CLUAP1: variants seen among roughly 807,000 people sequenced by gnomAD.
The protein encoded by CLUAP1 is intraflagellar transport 38.
CLUAP1 carries 50 observed loss-of-function variants against 55.0 expected under a neutral mutation model. The ratio of observed to expected loss-of-function variants is 0.91; its 90% CI spans 0.72 to 1.15. The LOEUF (loss-of-function observed/expected upper bound fraction) is 1.15. Among genes scored for constraint, CLUAP1 ranks in the 50% most tolerant of loss-of-function variants. CLUAP1 has a pLI of 0.00. For missense variants in CLUAP1, 530 were observed against 507.6 expected, an observed-to-expected ratio of 1.04 and a Z score of -0.42; for synonymous variants, 195 against 175.4, an observed-to-expected ratio of 1.11 and a Z score of -0.88.
At chr16:3,520,500 C>T (rs970749628) in intron 7 of CLUAP1, among the ~76,000 whole-genome samples, 3 of 152,136 alleles carry the variant, frequency 2.0e-5, no homozygotes, top group Non-Finnish European at 2.9e-5. Context: ...CTCAAATGTA[C>T]ATGTGTTGCC....
chr16:3,514,169 G>T (rs2037687159), intron 5 of CLUAP1, among the ~76,000 whole-genome samples: 1 of 152,162 alleles, frequency 6.6e-6, no homozygotes, highest in Non-Finnish European at 1.5e-5. Flanking sequence ...ACAGGAGCTG[G>T]CCACTTGCTG....
At position 3,501,045 on chromosome 16, in the gene CLUAP1, G is replaced by A. The variant is rs1323950796; in HGVS notation, c.-23G>A. ...CTGAGGGGCGAGCAGTTGCGACCCT[G>A]GGCTCCTGGGGACCTGAGCGTTATG... On this transcript the variant is annotated 5_prime_UTR_variant, in exon 1 of 12. Coordinates refer to ENST00000576634, the MANE Select transcript of CLUAP1 (RefSeq NM_015041.3). The A allele has an allele frequency of 2.5e-6, 4 of 1,597,868 alleles. No individual in the cohort carries two copies. The highest frequency in any genetic ancestry group is 2.3e-5 in the East Asian group (1 of 44,364).
In CLUAP1 at chr16:3,536,332, T is replaced by C. The variant is rs1435215673; in HGVS notation, c.*61T>C. 3.6e-5 allele frequency: 57 copies of C among 1,571,470 alleles called. No individual in the cohort carries two copies. Among genetic ancestry groups the C allele is most frequent in the Non-Finnish European group, 4.8e-5 (55 of 1,152,514 alleles). Reference sequence around the variant, plus strand: ...TCAGACTTGTAGGTAAATGGGAACTTAGAAGGTTAGGAAGGTAACCCCTGT... The same window carrying C: ...TCAGACTTGTAGGTAAATGGGAACTCAGAAGGTTAGGAAGGTAACCCCTGT... On this transcript the variant is annotated 3_prime_UTR_variant, in exon 12 of 12. Coordinates refer to ENST00000576634, the MANE Select transcript of CLUAP1 (RefSeq NM_015041.3).
intron 2 of CLUAP1, among the ~76,000 whole-genome samples, chr16:3,505,504 G>A (rs989219154): frequency 9.7e-5 from 14 of 144,180 alleles, no homozygotes; most frequent in African/African-American, 3.4e-4. Flanking sequence ...CCGAGATAGC[G>A]CCACTGCAGT....
chr16:3,506,536 T>A, intron 3 of CLUAP1, 121 bp downstream of exon 3: 6 of 742,652 alleles, frequency 8.1e-6, no homozygotes, highest in Non-Finnish European at 1.4e-5. Context: ...TGAGATGGAG[T>A]CTCATTCTCT....
rs920871754 is a variant in CLUAP1 at position 3,536,812 on chromosome 16, G to A, written c.*541G>A. ...ATGTTCACAATACCAAGCATTAAATGTATTTTAATAACTAAACTTTTCTGA... is the reference window on the plus strand; with the variant it reads ...ATGTTCACAATACCAAGCATTAAATATATTTTAATAACTAAACTTTTCTGA... On this transcript the variant is annotated 3_prime_UTR_variant, in exon 12 of 12. Coordinates refer to ENST00000576634, the MANE Select transcript of CLUAP1 (RefSeq NM_015041.3). 1 of 152,216 alleles carries A rather than the reference G, an allele frequency of 6.6e-6. No homozygotes were observed. Among genetic ancestry groups the A allele is most frequent in the African/African-American group, 2.4e-5 (1 of 41,422 alleles). The allele number at this position is 152,216 out of a possible 1,614,324, so 9.4% of individuals were successfully genotyped here. A position where few individuals can be genotyped will look rare whatever the true frequency, so the allele number is the denominator to read the frequency against.
In CLUAP1 at chr16:3,512,470, G is replaced by C. The variant is rs781005764; in HGVS notation, c.487G>C (p.Glu163Gln). 43 of 1,612,788 alleles carry C rather than the reference G, an allele frequency of 2.7e-5. No individual in the cohort carries two copies. The highest frequency in any genetic ancestry group is 3.6e-5 in the Non-Finnish European group (42 of 1,178,896). ...GTATGACTTGCTCGGCATGGAAGTA[G>C]AGTTGAGGGTAAGCATTCCAGTACT... ...SLYDLLGMEV[E>Q]LREMRTEAIA... The change falls in exon 5 of 12, where the codon GAG becomes CAG. Residue 163 changes from glutamate (E) to glutamine (Q), a missense_variant. By Grantham distance (29) the Glu-to-Gln change is conservative. Coordinates refer to ENST00000576634, the MANE Select transcript of CLUAP1 (RefSeq NM_015041.3).
chr16:3,518,586 G>A (rs1473390973), intron 6 of CLUAP1, among the ~76,000 whole-genome samples: 3 of 152,168 alleles, frequency 2.0e-5, no homozygotes, highest in African/African-American at 7.2e-5. Flanking sequence ...ATCTGACTTT[G>A]GTTCGAGGAA....
chr16:3,533,383 TG>T, intron 11 of CLUAP1: 1 of 547,748 alleles, frequency 1.8e-6, no homozygotes, highest in African/African-American at 1.9e-5. Context: ...CCTCAGGCCC[TG>T]GGCCGCCACC....
At position 3,533,112 on chromosome 16, in the gene CLUAP1, C is replaced by T. The variant is rs1327986008; in HGVS notation, c.1092+271C>T. ...CGCTTTCCAAAGATGGAAGCAGCACCAGCTCTCTTAGGTAAATGCAAGACT... is the reference window on the plus strand; with the variant it reads ...CGCTTTCCAAAGATGGAAGCAGCACTAGCTCTCTTAGGTAAATGCAAGACT... On this transcript the variant is annotated intron_variant, in intron 11 of 11. Coordinates refer to ENST00000576634, the MANE Select transcript of CLUAP1 (RefSeq NM_015041.3). The T allele has an allele frequency of 2.6e-6, 4 of 1,536,126 alleles. No homozygotes were observed. The Admixed American group carries it at 7.8e-5, about 30-fold the overall frequency.
Position 3,538,007 on chromosome 16 carries a change from A to AT in CLUAP1, c.*1736_*1737insT, listed in dbSNP as rs1320266227. On this transcript the variant is annotated 3_prime_UTR_variant, in exon 12 of 12. Transcript: ENST00000576634. The stretch of plus-strand genomic sequence containing the variant: ...GAGTGAGACTCCATCTCAAAAAAAA[A>AT]AAAAAAAAAAAAAGCATACAGTAAA... 2.6e-4 allele frequency: 39 copies of AT among 150,702 alleles called. 1 individual carries two copies. Among genetic ancestry groups the AT allele is most frequent in the African/African-American group, 9.6e-4 (39 of 40,790 alleles). The allele number at this position is 150,702 out of a possible 1,614,324, so 9.3% of individuals were successfully genotyped here. A position where few individuals can be genotyped will look rare whatever the true frequency, so the allele number is the denominator to read the frequency against.
At chr16:3,504,958 T>C in intron 2 of CLUAP1, 127 bp downstream of exon 2, 5 of 662,210 alleles carry the variant, frequency 7.6e-6, no homozygotes, top group South Asian at 6.9e-5. Flanking sequence ...GACCCAGCTG[T>C]ATTCTGTTAC....
chr16:3,532,713 C>T (rs898838961), intron 10 of CLUAP1, 73 bp from the exon 11 acceptor site: 8 of 1,529,204 alleles, frequency 5.2e-6, no homozygotes, highest in South Asian at 4.5e-5. Context: ...GGCCAGAAAA[C>T]AAATCTTGAA....
rs781669480 is a variant in CLUAP1 at position 3,519,970 on chromosome 16, A to G, written c.647A>G (p.Lys216Arg). Residue 216 changes from lysine (K) to arginine (R), a missense_variant, in exon 7 of 12, where the codon AAA becomes AGA. By Grantham distance (26) the Lys-to-Arg change is conservative. Transcript: ENST00000576634. ...TCTGATGAAGCTAATTTAGAAGCCA[A>G]AATCGAAAAGAGAAAATTAGAACTG... is the stretch of plus-strand genomic sequence containing the variant. ...VASDEANLEA[K>R]IEKRKLELER... 13 of 1,613,820 alleles carry G rather than the reference A, an allele frequency of 8.1e-6. No individual in the cohort carries two copies. The highest frequency in any genetic ancestry group is 3.3e-5 in the Admixed American group (2 of 59,974).
In CLUAP1 at chr16:3,538,811, A is replaced by G. The variant is rs1313905458; in HGVS notation, c.*2540A>G. 6.6e-6 allele frequency: 1 copy of G among 152,172 alleles called. No individual in the cohort carries two copies. Among genetic ancestry groups the G allele is most frequent in the African/African-American group, 2.4e-5 (1 of 41,442 alleles). 9.4% of individuals were successfully genotyped at this position (152,172 alleles called of 1,614,324 possible). A position where few individuals can be genotyped will look rare whatever the true frequency, so the allele number is the denominator to read the frequency against. On this transcript the variant is annotated 3_prime_UTR_variant, in exon 12 of 12. Coordinates refer to ENST00000576634, the MANE Select transcript of CLUAP1 (RefSeq NM_015041.3). ...AAAGTATTTCAGTCAATAGTGACCC[A>G]TTGTAGAATGGATGCAGGATTCACA...
chr16:3,503,124 G>A (rs988576945), intron 1 of CLUAP1, among the ~76,000 whole-genome samples: 1 of 151,642 alleles, frequency 6.6e-6, no homozygotes, highest in Admixed American at 6.6e-5. Context: ...ATAGGCGCCC[G>A]CCACCACACT....
chr16:3,536,366 C>G lies in CLUAP1; in HGVS notation c.*95C>G. The G allele has an allele frequency of 7.3e-7, 1 of 1,361,426 alleles. No homozygotes were observed. Among genetic ancestry groups the G allele is most frequent in the Non-Finnish European group, 1.0e-6 (1 of 989,226 alleles). The allele number at this position is 1,361,426 out of a possible 1,614,324, so 84.3% of individuals were successfully genotyped here. On this transcript the variant is annotated 3_prime_UTR_variant, in exon 12 of 12. Coordinates refer to ENST00000576634, the MANE Select transcript of CLUAP1 (RefSeq NM_015041.3). ...AGGAAGGTAACCCCTGTTTTGTTTA[C>G]TAAGCTGGCTGGACTCATGATCACT...
At chr16:3,499,067 G>T (rs1041311021), upstream of CLUAP1, among the ~76,000 whole-genome samples, 1 of 152,224 alleles carries the variant, frequency 6.6e-6, no homozygotes, top group Non-Finnish European at 1.5e-5. Flanking sequence ...TTTTTCCAAT[G>T]GAAATATACA....
At chr16:3,526,602 G>GTT in intron 9 of CLUAP1, 118 bp downstream of exon 9, 57 of 368,420 alleles carry the variant, frequency 1.5e-4, no homozygotes, top group Non-Finnish European at 1.6e-4. Context: ...TTTTTCAGCA[G>GTT]TTTTTTTTTT....
Sources: gnomAD v4.1 joint callset for allele counts (sites outside exome capture counted in the v4.1 genomes callset) on GRCh38, gnomAD v4.1.1 for gene constraint, MANE v1.5 for transcripts, NCBI Gene and HGNC (gene_info 2026-07-23, HGNC 2026-07-21) for gene names.